Variants in LETM1 observed in about 807,000 individuals in gnomAD.
LETM1 encodes the protein mitochondrial proton/calcium exchanger protein.
A neutral mutation model predicts 74.5 loss-of-function variants in LETM1; 50 were observed. The observed-to-expected ratio is 0.67, with a 90% CI of 0.53 to 0.85. The LOEUF (loss-of-function observed/expected upper bound fraction) is 0.85, where lower values mean the gene tolerates loss of function less well. LETM1 is among the 40% of genes least tolerant of loss of function. LETM1 has a pLI of 0.00. For missense variants in LETM1, 824 were observed against 967.8 expected (o/e 0.85, Z 1.97); for synonymous variants, 446 against 407.1 (o/e 1.10, Z -1.15).
intron 11 of LETM1, among the ~76,000 whole-genome samples, chr4:1,817,738 A>G (rs1264817905): frequency 6.6e-6 from 1 of 152,224 alleles, no homozygotes; most frequent in Non-Finnish European, 1.5e-5. Context: ...CATTTGTTAA[A>G]GAAAAATTAA....
chr4:1,821,735 A>G (rs1041650360), intron 10 of LETM1, among the ~76,000 whole-genome samples: 1 of 152,140 alleles, frequency 6.6e-6, no homozygotes, highest in Non-Finnish European at 1.5e-5. Context: ...TGCACCTCAC[A>G]GGCTCGCATG....
chr4:1,824,703 G>A (rs1382738893), intron 7 of LETM1, among the ~76,000 whole-genome samples: 1 of 152,226 alleles, frequency 6.6e-6, no homozygotes, highest in African/African-American at 2.4e-5. Flanking sequence ...AGGGGCCTGG[G>A]CAGGGACAGC....
intron 2 of LETM1, among the ~76,000 whole-genome samples, chr4:1,847,129 C>T (rs919272486): frequency 6.6e-6 from 1 of 150,842 alleles, no homozygotes; most frequent in African/African-American, 2.4e-5. Context: ...TCCAGGAGTT[C>T]AAGAGCAGCC....
chr4:1,822,572 C>T, intron 9 of LETM1: 1 of 361,986 alleles, frequency 2.8e-6, no homozygotes, highest in Non-Finnish European at 4.9e-6. Flanking sequence ...CTGTCACTTG[C>T]AGAGCAGGAG....
chr4:1,834,520 A>C lies in LETM1; in HGVS notation c.876+325T>G. ...CAATGCCCAGCAGAGGAGCCCGGCC[A>C]AGCCACCCACACCTCACACCATCAG... is the stretch of plus-strand genomic sequence containing the variant. On this transcript the variant is annotated intron_variant, in intron 5 of 13. Coordinates refer to ENST00000302787, the MANE Select transcript of LETM1 (RefSeq NM_012318.3). The surrounding 1 kb of genome is among the most constrained non-coding windows in gnomAD (Gnocchi z 5.0). 9.1e-7 allele frequency: 1 copy of C among 1,103,110 alleles called. No homozygotes were observed. The highest frequency in any genetic ancestry group is 1.1e-6 in the Non-Finnish European group (1 of 903,338). 68.3% of individuals were successfully genotyped at this position (1,103,110 alleles called of 1,614,324 possible).
intron 7 of LETM1, among the ~76,000 whole-genome samples, chr4:1,824,276 G>A (rs556568171): frequency 1.6e-4 from 24 of 152,154 alleles, no homozygotes; most frequent in Non-Finnish European, 2.8e-4. Flanking sequence ...AGCCGAAATC[G>A]CGCCACTGCA....
chr4:1,825,602 C>A lies in LETM1; in HGVS notation c.1162G>T (p.Gly388Cys). 1 of 1,613,934 alleles carries A rather than the reference C, an allele frequency of 6.2e-7. No homozygotes were observed. The highest frequency in any genetic ancestry group is 8.5e-7 in the Non-Finnish European group (1 of 1,179,912). Residue 388 changes from glycine (G) to cysteine (C), a missense_variant, in exon 7 of 14, where the codon GGC (glycine) becomes TGC (cysteine). Coordinates refer to ENST00000302787, the MANE Select transcript of LETM1 (RefSeq NM_012318.3). The stretch of plus-strand genomic sequence containing the variant: ...CCCCTCAGGCGGTCTTCCGTGACGC[C>A]CAGGGCCCGCATGCCTCGTGCCCGA... ...ACRARGMRALGVTEDRLRGQL... is the reference protein window; with the variant it reads ...ACRARGMRALCVTEDRLRGQL...
chr4:1,829,201 C>T (rs1466245199), intron 6 of LETM1, among the ~76,000 whole-genome samples: 2 of 125,670 alleles, frequency 1.6e-5, no homozygotes, highest in East Asian at 2.9e-4. Flanking sequence ...CCGGACGGGG[C>T]GGCTGGCCGG....
rs1450281401 is a variant in LETM1, at chr4:1,851,828, C to T, written c.83-2619G>A. The stretch of plus-strand genomic sequence containing the variant: ...AGGCTGGCAGGTCTCCCAGAGTTCC[C>T]TGATCTGTCCCCCAGTGACCCTACC... On this transcript the variant is annotated intron_variant, in intron 1 of 13. Transcript: ENST00000302787. Among the ~76,000 whole-genome samples, 4 of 152,244 alleles carry T rather than the reference C, an allele frequency of 2.6e-5. No individual in the cohort carries two copies. In the East Asian group the frequency reaches 7.7e-4, roughly 29 times the overall value.
In LETM1 at chr4:1,842,509, C is replaced by T. The variant is rs1229938206; in HGVS notation, c.144-712G>A. ...CTCCCTGACCACTCCACCGCTCTTG[C>T]CTCTCATCCACAGTGCTGCCTCCTA... On this transcript the variant is annotated intron_variant, in intron 2 of 13. Coordinates refer to ENST00000302787, the MANE Select transcript of LETM1 (RefSeq NM_012318.3). Among the ~76,000 whole-genome samples the T allele has an allele frequency of 2.0e-5, 3 of 152,212 alleles. No homozygotes were observed. In the East Asian group the frequency reaches 5.8e-4, roughly 29 times the overall value.
At chr4:1,847,192 T>G (rs1712908669) in intron 2 of LETM1, among the ~76,000 whole-genome samples, 1 of 151,362 alleles carries the variant, frequency 6.6e-6, no homozygotes, top group African/African-American at 2.4e-5. Context: ...AAGAAAAAAA[T>G]TTAGCAAGGC....
intron 6 of LETM1, among the ~76,000 whole-genome samples, chr4:1,826,987 T>C (rs1712012766): frequency 6.6e-6 from 1 of 152,152 alleles, no homozygotes; most frequent in Non-Finnish European, 1.5e-5. Flanking sequence ...ACTCGCATCG[T>C]CGCCTCCACC....
Position 1,823,753 on chromosome 4 carries a change from T to A in LETM1, c.1223A>T (p.Gln408Leu). Reference protein sequence around the residue: ...LKQWLDLHLHQEIPTSLLILS... With the variant: ...LKQWLDLHLHLEIPTSLLILS... ...GATGAGCAGCGATGTGGGGATCTCC[T>A]GATGCAGGTGCAGGTCCAGCCACTG... The change falls in exon 8 of 14, where the codon CAG becomes CTG. Residue 408 changes from glutamine (Q) to leucine (L), a missense_variant. Around this residue, in one of 4 missense-constraint regions of LETM1, gnomAD observed 172 missense variants for 170.7 expected, o/e 1.01. Coordinates refer to ENST00000302787, the MANE Select transcript of LETM1 (RefSeq NM_012318.3). 1 of 1,612,776 alleles carries A rather than the reference T, an allele frequency of 6.2e-7. No homozygotes were observed. Among genetic ancestry groups the A allele is most frequent in the South Asian group, 1.1e-5 (1 of 90,950 alleles).
chr4:1,828,760 G>A lies in LETM1; in HGVS notation c.1081-3077C>T, dbSNP rs559529405. ...TCCCCACTTCCCAGCAGGGGCGGCC[G>A]GGCAGAGGCGCCCCCCACCCCCCGG... On this transcript the variant is annotated intron_variant, in intron 6 of 13. Coordinates refer to ENST00000302787, the MANE Select transcript of LETM1 (RefSeq NM_012318.3). Among the ~76,000 whole-genome samples, 695 of 141,652 alleles carry A rather than the reference G, an allele frequency of 4.9e-3. 7 individuals are homozygous for A. The highest frequency in any genetic ancestry group is 0.018 in the African/African-American group (661 of 35,936). The allele number at this position is 141,652 out of a possible 152,430, so 92.9% of individuals were successfully genotyped here. A position where few individuals can be genotyped will look rare whatever the true frequency, so the allele number is the denominator to read the frequency against.
At chr4:1,823,161 C>A in intron 8 of LETM1, 30 bp from the exon 9 acceptor site, 3 of 1,544,606 alleles carry the variant, frequency 1.9e-6, no homozygotes, top group Non-Finnish European at 2.6e-6. Flanking sequence ...TGTGGGTGAG[C>A]CCAGAAGCCA....
chr4:1,837,972 C>T (rs922647018), intron 3 of LETM1, among the ~76,000 whole-genome samples: 2 of 152,064 alleles, frequency 1.3e-5, no homozygotes, highest in Non-Finnish European at 2.9e-5. Flanking sequence ...TCCCAAAGTG[C>T]TGGATTACAG....
At chr4:1,838,088 A>G (rs939014869) in intron 3 of LETM1, among the ~76,000 whole-genome samples, 1 of 151,904 alleles carries the variant, frequency 6.6e-6, no homozygotes, top group African/African-American at 2.4e-5. Flanking sequence ...AGTGCACAGG[A>G]TTATCTTTTT....
chr4:1,820,705 T>C lies in LETM1; in HGVS notation c.1609-1233A>G, dbSNP rs568035591. ...ATAAACATTCCCAGCTTTTCTAATT[T>C]AGTCTGTTAATATGGAAATTACATT... On this transcript the variant is annotated intron_variant, in intron 10 of 13. Transcript: ENST00000302787. Among the ~76,000 whole-genome samples the C allele has an allele frequency of 3.3e-5, 5 of 152,342 alleles. No homozygotes were observed. In the South Asian group the frequency reaches 1.0e-3, roughly 32 times the overall value.
At chr4:1,828,965 C>T (rs1222936499) in intron 6 of LETM1, among the ~76,000 whole-genome samples, 2 of 108,036 alleles carry the variant, frequency 1.9e-5, no homozygotes, top group East Asian at 3.3e-4. Flanking sequence ...ACCTCCCGGA[C>T]GGGGCGGCTG....
Sources: allele counts gnomAD v4.1 joint callset (sites outside exome capture counted in the v4.1 genomes callset), GRCh38; gene constraint gnomAD v4.1.1; regional missense constraint gnomAD v4.1.1; non-coding constraint Gnocchi (gnomAD v3.1); transcripts MANE v1.5; gene names NCBI Gene and HGNC (gene_info 2026-07-23, HGNC 2026-07-21).